The following ACSM3 variants were observed in gnomAD, a reference collection of about 807,000 sequenced individuals.
ACSM3 encodes the protein acyl-coenzyme A synthetase ACSM3, mitochondrial.
Under a neutral mutation model 74.1 loss-of-function variants are expected in ACSM3, and 61 were observed. The ratio of observed to expected loss-of-function variants is 0.82; its 90% CI spans 0.67 to 1.02. The LOEUF is 1.02. ACSM3 is among the 50% of genes least tolerant of loss of function. The pLI is 0.00. For synonymous variants in ACSM3, 213 were observed against 241.5 expected (o/e 0.88, Z 1.09); for missense variants, 660 against 697.0 (o/e 0.95, Z 0.60).
At chr16:20,753,647 A>T (rs1420379025) in intron 2 of ACSM3, among the ~76,000 whole-genome samples, 1 of 152,084 alleles carries the variant, frequency 6.6e-6, no homozygotes, top group Non-Finnish European at 1.5e-5. Context: ...CCAAGAGAAG[A>T]GGTACAGATA....
chr16:20,675,086 T>A (rs1244669864), intron 1 of ACSM3, among the ~76,000 whole-genome samples: 1 of 151,200 alleles, frequency 6.6e-6, no homozygotes, highest in Non-Finnish European at 1.5e-5. Context: ...CAACTGGGAG[T>A]GTGTGGGTGT....
rs755355248 is a variant in ACSM3, at chr16:20,770,109, G to A, written c.75G>A (p.Val25=). The change falls in exon 2 of 14, where the codon GTG becomes GTA. Residue 25 remains valine (V), a synonymous_variant. Transcript: ENST00000289416. ...AGCGCCTAGCAATTTTTGGTTCTGT[G>A]AGGGCACTGCATAAAGATAATAGAA... The part of the protein sequence containing the change: ...CFQRLAIFGS[V]RALHKDNRTA... The A allele has an allele frequency of 4.6e-5, 74 of 1,614,044 alleles. No individual in the cohort carries two copies. The highest frequency in any genetic ancestry group is 4.2e-4 in the Admixed American group (25 of 59,994).
At chr16:20,682,862 C>T (rs1204171680) in intron 1 of ACSM3, among the ~76,000 whole-genome samples, 6 of 152,274 alleles carry the variant, frequency 3.9e-5, no homozygotes, top group Admixed American at 2.6e-4. Flanking sequence ...TTCCTTTTCC[C>T]CTTTCTGTCA....
intron 2 of ACSM3, among the ~76,000 whole-genome samples, chr16:20,754,155 G>A (rs1048289945): frequency 6.6e-6 from 1 of 152,132 alleles, no homozygotes; most frequent in Non-Finnish European, 1.5e-5. Context: ...ATTCTCTTCT[G>A]GCTTTTCTCA....
intron 1 of ACSM3, chr16:20,741,481 G>GGGGGGGGGGCCCCCCCCCCCCCC: frequency 3.1e-6 from 4 of 1,308,412 alleles, no homozygotes; most frequent in Non-Finnish European, 4.0e-6. Context: ...CTGGCAGCCG[G>GGGGGGGGGGCCCCCCCCCCCCCC]CCCGCCCGCC....
intron 1 of ACSM3, chr16:20,721,979 GAATTCTAT>G (rs1436954128): frequency 6.6e-6 from 1 of 152,122 alleles, no homozygotes; most frequent in Non-Finnish European, 1.5e-5. Context: ...GTCATATTGA[GAATTCTAT>G]AATAGATCAG....
intron 7 of ACSM3, chr16:20,783,141 G>A (rs2080390714): frequency 6.6e-6 from 1 of 152,152 alleles, no homozygotes; most frequent in Non-Finnish European, 1.5e-5. Context: ...CCCATTGAGA[G>A]TCGCCTCATG....
At chr16:20,689,867 G>C (rs1331678045) in intron 1 of ACSM3, among the ~76,000 whole-genome samples, 1 of 152,146 alleles carries the variant, frequency 6.6e-6, no homozygotes, top group Non-Finnish European at 1.5e-5. Context: ...ATAATGGATT[G>C]TGAAATCAGA....
intron 1 of ACSM3, among the ~76,000 whole-genome samples, chr16:20,712,217 T>C (rs1411080062): frequency 1.3e-5 from 2 of 152,176 alleles, no homozygotes; most frequent in Non-Finnish European, 2.9e-5. Context: ...TTACATGTTG[T>C]CTATGTAACA....
intron 3 of ACSM3, among the ~76,000 whole-genome samples, chr16:20,756,988 A>G (rs1337741132): frequency 3.3e-5 from 5 of 151,560 alleles, no homozygotes; most frequent in Non-Finnish European, 5.9e-5. Context: ...TGTTCCATTG[A>G]TCTATATCTC....
chr16:20,744,494 C>T lies in ACSM3; in HGVS notation c.-189-5416C>T, dbSNP rs552166856. ...CCACTTACTGGGTTCAAGCGATTCT[C>T]CTGCCTCAGCCTCCCAAGTAGCTGG... On this transcript the variant is annotated intron_variant, in intron 1 of 3. Transcript: ENST00000561584. Among the ~76,000 whole-genome samples the T allele has an allele frequency of 1.5e-4, 23 of 152,352 alleles. No individual in the cohort carries two copies. In the East Asian group the frequency reaches 2.9e-3, roughly 19 times the overall value.
chr16:20,786,393 C>T lies in ACSM3; in HGVS notation c.1224+235C>T, dbSNP rs1257359445. ...TTCTAAGCATTTAATAAACGTTAACCCATTAGGCTGGATGCAGTGGCTCAC... is the reference window on the plus strand; with the variant it reads ...TTCTAAGCATTTAATAAACGTTAACTCATTAGGCTGGATGCAGTGGCTCAC... On this transcript the variant is annotated intron_variant, in intron 9 of 13. Coordinates refer to ENST00000289416, the MANE Select transcript of ACSM3 (RefSeq NM_005622.4). 8.3e-6 allele frequency: 7 copies of T among 840,726 alleles called. No individual in the cohort carries two copies. In the African/African-American group the frequency reaches 1.1e-4, roughly 13 times the overall value. The allele number at this position is 840,726 out of a possible 1,614,324, so 52.1% of individuals were successfully genotyped here.
intron 3 of ACSM3, 29 bp from the exon 4 acceptor site, chr16:20,777,344 T>TAAACACTGTTTAG: frequency 6.3e-7 from 1 of 1,584,476 alleles, no homozygotes; most frequent in Non-Finnish European, 8.7e-7. Context: ...ACATTTCTTC[T>TAAACACTGTTTAG]AAACACTGTT....
intron 1 of ACSM3, among the ~76,000 whole-genome samples, chr16:20,720,115 C>T (rs952441238): frequency 2.6e-5 from 4 of 152,130 alleles, no homozygotes; most frequent in African/African-American, 9.7e-5. Context: ...GCCTTTTTGG[C>T]GCTAGGGACT....
intron 1 of ACSM3, among the ~76,000 whole-genome samples, chr16:20,689,918 G>A (rs1263758657): frequency 1.3e-5 from 2 of 152,182 alleles, no homozygotes; most frequent in African/African-American, 4.8e-5. Context: ...TATTAGACAT[G>A]TGATTTCAGT....
chr16:20,723,455 C>T (rs1278181274), intron 1 of ACSM3, among the ~76,000 whole-genome samples: 1 of 152,192 alleles, frequency 6.6e-6, no homozygotes, highest in African/African-American at 2.4e-5. Flanking sequence ...TGAGGAATCG[C>T]CACACTGACT....
chr16:20,691,426 G>A (rs928251178), intron 1 of ACSM3, among the ~76,000 whole-genome samples: 3 of 152,146 alleles, frequency 2.0e-5, no homozygotes, highest in African/African-American at 4.8e-5. Context: ...AGAAAACGCT[G>A]GGGAGGTTAT....
intron 1 of ACSM3, chr16:20,739,151 C>T: frequency 2.8e-6 from 4 of 1,438,008 alleles, no homozygotes; most frequent in Non-Finnish European, 3.8e-6. Flanking sequence ...ATGTGAAGTC[C>T]CTGGCGGCAG....
chr16:20,686,810 G>GA (rs57762001), intron 1 of ACSM3, among the ~76,000 whole-genome samples: 1 of 146,790 alleles, frequency 6.8e-6, no homozygotes, highest in South Asian at 2.2e-4. Flanking sequence ...TCTCAAAAAA[G>GA]AAAAAAAAAA....
Sources: gnomAD v4.1 joint callset for allele counts (sites outside exome capture counted in the v4.1 genomes callset) on GRCh38, gnomAD v4.1.1 for gene constraint, MANE v1.5 for transcripts, NCBI Gene and HGNC (gene_info 2026-07-23, HGNC 2026-07-21) for gene names.